Variants in ZNF106 observed in about 807,000 individuals in gnomAD.
The protein encoded by ZNF106 is SH3-domain binding protein 3.
Under a neutral mutation model 195.1 loss-of-function variants are expected in ZNF106, and 67 were observed. That is an observed-to-expected ratio of 0.34 (90% CI 0.28 to 0.42). The LOEUF (loss-of-function observed/expected upper bound fraction) is 0.42. Among genes scored for constraint, ZNF106 ranks in the 10% least tolerant of loss-of-function variants. The pLI, the probability that ZNF106 is intolerant of heterozygous loss-of-function variation, is 1.00. For synonymous variants in ZNF106, 784 were observed against 818.6 expected (o/e 0.96, Z 0.72); for missense variants, 2,118 against 2,304.5 (o/e 0.92, Z 1.66).
intron 4 of ZNF106, among the ~76,000 whole-genome samples, chr15:42,452,655 C>T (rs944531810): frequency 4.8e-5 from 7 of 145,524 alleles, no homozygotes; most frequent in East Asian, 2.1e-4. Flanking sequence ...GGAAAAAGAA[C>T]AAGTATATTT....
intron 12 of ZNF106, among the ~76,000 whole-genome samples, chr15:42,437,836 G>A (rs1354910836): frequency 6.6e-6 from 1 of 151,090 alleles, no homozygotes; most frequent in Non-Finnish European, 1.5e-5. Context: ...TGAACCCAGA[G>A]GCAGAGGTTG....
Position 42,450,878 on chromosome 15 carries a change from T to C in ZNF106, c.1394A>G (p.His465Arg), listed in dbSNP as rs2141358708. 6.2e-7 allele frequency: 1 copy of C among 1,614,238 alleles called. No homozygotes were observed. Among genetic ancestry groups the C allele is most frequent in the Non-Finnish European group, 8.5e-7 (1 of 1,180,040 alleles). Reference sequence around the variant, plus strand: ...CAATGATGGCATTTTATTTGGTGTATGCTCTTGTTCAGGTTTTTCTGCAGT... The same window carrying C: ...CAATGATGGCATTTTATTTGGTGTACGCTCTTGTTCAGGTTTTTCTGCAGT... ...CPTAEKPEQE[H>R]TPNKMPSLKS... The change falls in exon 5 of 22, where the codon CAT becomes CGT. Residue 465 changes from histidine (H) to arginine (R), a missense_variant. Physicochemically the swap from His to Arg is conservative, Grantham distance 29. Transcript: ENST00000564754.
At chr15:42,426,386 T>TG (rs898780320) in intron 15 of ZNF106, among the ~76,000 whole-genome samples, 5 of 151,440 alleles carry the variant, frequency 3.3e-5, no homozygotes, top group African/African-American at 1.2e-4. Context: ...TCCTTACTTC[T>TG]GTCTACTACT....
Position 42,451,445 on chromosome 15 carries a change from T to G in ZNF106, c.827A>C (p.Asn276Thr). The stretch of plus-strand genomic sequence containing the variant: ...CATAGTCATGTCTTCCATTTGACAG[T>G]TAGAATTTCTGTTTCTGCCTGGTTG... ...KFQPGRNRNSNCQMEDMTMLW... is the reference protein window; with the variant it reads ...KFQPGRNRNSTCQMEDMTMLW... Residue 276 changes from asparagine to threonine, a missense_variant, in exon 5 of 22, where the codon AAC becomes ACC. Coordinates refer to ENST00000564754, the MANE Select transcript of ZNF106 (RefSeq NM_001366845.3). The G allele has an allele frequency of 6.2e-7, 1 of 1,614,218 alleles. No homozygotes were observed. The highest frequency in any genetic ancestry group is 8.5e-7 in the Non-Finnish European group (1 of 1,180,036).
At chr15:42,455,068 A>T (rs540778420) in intron 4 of ZNF106, among the ~76,000 whole-genome samples, 1 of 152,332 alleles carries the variant, frequency 6.6e-6, no homozygotes, top group Non-Finnish European at 1.5e-5. Context: ...ACAAAATAGA[A>T]GTCTCCCAGA....
Position 42,450,159 on chromosome 15 carries a change from A to T in ZNF106, c.2113T>A (p.Ser705Thr). 1 of 1,614,174 alleles carries T rather than the reference A, an allele frequency of 6.2e-7. No individual in the cohort carries two copies. Among genetic ancestry groups the T allele is most frequent in the Non-Finnish European group, 8.5e-7 (1 of 1,180,026 alleles). ...TSLEDAQVDD[S>T]IKSHVSYETE... ...TCATAAGATACATGAGATTTAATAG[A>T]GTCATCAACCTGTGCATCTTCTAGA... The change falls in exon 5 of 22, where the codon TCT becomes ACT. Residue 705 changes from serine to threonine, a missense_variant. Physicochemically the swap from Ser to Thr is moderately conservative, Grantham distance 58. Coordinates refer to ENST00000564754, the MANE Select transcript of ZNF106 (RefSeq NM_001366845.3).
At chr15:42,490,782 C>T (rs2057142518) in intron 1 of ZNF106, among the ~76,000 whole-genome samples, 198 bp downstream of exon 1, 1 of 152,194 alleles carries the variant, frequency 6.6e-6, no homozygotes, top group Non-Finnish European at 1.5e-5. Context: ...AAAATCCGTA[C>T]CCCGAAGCCA....
At position 42,437,212 on chromosome 15, in the gene ZNF106, T is replaced by C; in HGVS notation, c.4746+20A>G. ...CCAAAACCTGCAACCAAAAACATTC[T>C]ACATGTTCTATCAACTTACCACCAG... On this transcript the variant is annotated intron_variant, in intron 13 of 21. Coordinates refer to ENST00000564754, the MANE Select transcript of ZNF106 (RefSeq NM_001366845.3). 1 of 1,600,872 alleles carries C rather than the reference T, an allele frequency of 6.2e-7. No individual in the cohort carries two copies. The highest frequency in any genetic ancestry group is 8.5e-7 in the Non-Finnish European group (1 of 1,174,186).
At chr15:42,427,869 C>G in intron 15 of ZNF106, 149 bp downstream of exon 15, 2 of 611,644 alleles carry the variant, frequency 3.3e-6, no homozygotes, top group South Asian at 4.1e-5. Flanking sequence ...TCACTTACAT[C>G]AGAAGATAAC....
chr15:42,424,577 T>C, intron 16 of ZNF106: 1 of 403,150 alleles, frequency 2.5e-6, no homozygotes, highest in South Asian at 3.9e-5. Context: ...CCTCGATCTT[T>C]GGTGCTCAAG....
chr15:42,458,103 C>A (rs1223361655), intron 3 of ZNF106, among the ~76,000 whole-genome samples: 2 of 152,058 alleles, frequency 1.3e-5, no homozygotes, highest in Admixed American at 1.3e-4. Context: ...AGTTACAAGA[C>A]AGCAGTATCC....
In ZNF106 at chr15:42,417,753, G is replaced by A. The variant is rs1595857348; in HGVS notation, c.5664+52C>T. On this transcript the variant is annotated intron_variant, in intron 21 of 21. Transcript: ENST00000564754. ...TAATAAAAAAGGTTTGCTAGCCCCT[G>A]CTCTGAGCAGTCTACTGAATCCCAG... 5 of 1,565,566 alleles carry A rather than the reference G, an allele frequency of 3.2e-6. No homozygotes were observed. Among genetic ancestry groups the A allele is most frequent in the Non-Finnish European group, 4.3e-6 (5 of 1,158,120 alleles).
At chr15:42,463,439 T>C (rs1436301570) in intron 3 of ZNF106, among the ~76,000 whole-genome samples, 2 of 152,132 alleles carry the variant, frequency 1.3e-5, no homozygotes, top group African/African-American at 4.8e-5. Context: ...CTCATGCCTG[T>C]AGTCCCACCA....
At chr15:42,482,664 G>C (rs2056929689) in intron 1 of ZNF106, among the ~76,000 whole-genome samples, 2 of 151,596 alleles carry the variant, frequency 1.3e-5, no homozygotes, top group African/African-American at 4.9e-5. Flanking sequence ...GAGTAGCTGG[G>C]ATTACAGGCA....
chr15:42,443,429 T>G (rs2055630736), intron 9 of ZNF106, among the ~76,000 whole-genome samples: 1 of 151,808 alleles, frequency 6.6e-6, no homozygotes, highest in Admixed American at 6.6e-5. Context: ...CCCAGGAGTT[T>G]GGGACTATCC....
chr15:42,442,336 G>A lies in ZNF106; in HGVS notation c.3500C>T (p.Thr1167Ile). The part of the protein sequence containing the change: ...TRERRNSRSQ[T>I]SIDAALLPTP... ...GGGCAGCAGTGCGGCATCAATGGAT[G>A]TTTGAGATCTACTGTTCCTTCGTTC... is the stretch of plus-strand genomic sequence containing the variant. The change falls in exon 10 of 22, where the codon ACA (threonine) becomes ATA (isoleucine). Residue 1167 changes from threonine to isoleucine, a missense_variant. Coordinates refer to ENST00000564754, the MANE Select transcript of ZNF106 (RefSeq NM_001366845.3). The A allele has an allele frequency of 6.2e-7, 1 of 1,614,222 alleles. No individual in the cohort carries two copies.
chr15:42,467,246 ATAAT>A (rs2056541590), intron 2 of ZNF106, among the ~76,000 whole-genome samples: 1 of 152,250 alleles, frequency 6.6e-6, no homozygotes, highest in Non-Finnish European at 1.5e-5. Context: ...CCAGTATGCC[ATAAT>A]TAAAGAATGG....
rs753708641 is a variant in ZNF106, at chr15:42,479,139, C to T, written c.-32-6818G>A. 1.2e-4 allele frequency among the ~76,000 whole-genome samples: 19 copies of T among 152,162 alleles called. No homozygotes were observed. In the South Asian group the frequency reaches 1.7e-3, roughly 13 times the overall value. On this transcript the variant is annotated intron_variant, in intron 1 of 21. Coordinates refer to ENST00000564754, the MANE Select transcript of ZNF106 (RefSeq NM_001366845.3). ...CTATAATCCCAGTACTTTGGGAGGCCGAGGTGGGTGGATCACCTGAGGTCA... is the reference window on the plus strand; with the variant it reads ...CTATAATCCCAGTACTTTGGGAGGCTGAGGTGGGTGGATCACCTGAGGTCA...
intron 15 of ZNF106, among the ~76,000 whole-genome samples, chr15:42,426,955 T>A (rs2054883105): frequency 6.6e-6 from 1 of 152,148 alleles, no homozygotes; most frequent in Non-Finnish European, 1.5e-5. Flanking sequence ...TCTCACTTGA[T>A]CTTAAGTTTC....
Sources: gnomAD v4.1 joint callset for allele counts (sites outside exome capture counted in the v4.1 genomes callset) on GRCh38, gnomAD v4.1.1 for gene constraint, MANE v1.5 for transcripts, NCBI Gene and HGNC (gene_info 2026-07-23, HGNC 2026-07-21) for gene names.